Variants in TTPAL observed in about 807,000 individuals in gnomAD.
TTPAL encodes alpha-tocopherol transfer protein-like.
TTPAL carries 21 observed loss-of-function variants against 28.7 expected under a neutral mutation model. That is an observed-to-expected ratio of 0.73 (90% CI 0.52 to 1.06). TTPAL has a LOEUF of 1.06. Ranked by LOEUF, TTPAL falls within the 50% of genes least tolerant of loss-of-function variation. TTPAL has a pLI of 0.00. For missense variants in TTPAL, 345 were observed against 425.5 expected (o/e 0.81, Z 1.67); for synonymous variants, 169 against 171.9 (o/e 0.98, Z 0.13).
chr20:44,489,138 A>G, intron 4 of TTPAL, 125 bp from the exon 5 acceptor site: 1 of 1,067,504 alleles, frequency 9.4e-7, no homozygotes, highest in Non-Finnish European at 1.3e-6. Context: ...AAGTAAGGGT[A>G]GAGTTGCCAT....
intron 4 of TTPAL, 149 bp from the exon 5 acceptor site, chr20:44,489,114 T>G (rs780759607): frequency 5.9e-6 from 5 of 852,812 alleles, no homozygotes; most frequent in Non-Finnish European, 8.9e-6. Flanking sequence ...TACTCCAGGC[T>G]TTCTGGGCTG....
At chr20:44,485,556 C>G (rs1230139589) in intron 3 of TTPAL, among the ~76,000 whole-genome samples, 1 of 152,108 alleles carries the variant, frequency 6.6e-6, no homozygotes, top group Non-Finnish European at 1.5e-5. Context: ...CTCACTGATT[C>G]CACAAATGTT....
chr20:44,481,052 G>A (rs1160862382), intron 2 of TTPAL, among the ~76,000 whole-genome samples: 1 of 152,110 alleles, frequency 6.6e-6, no homozygotes. Context: ...GTGCGGACTG[G>A]GCAGACACCT....
rs747448705 is a variant in TTPAL, at chr20:44,484,326, T to C, written c.446-11T>C. ...CTTCTGTAACATACTGTCAATCTCTTATGACCTTAGACAGATGGATACCAA... is the reference window on the plus strand; with the variant it reads ...CTTCTGTAACATACTGTCAATCTCTCATGACCTTAGACAGATGGATACCAA... On this transcript the variant is annotated splice_polypyrimidine_tract_variant and intron_variant, in intron 2 of 4. Coordinates refer to ENST00000262605, the MANE Select transcript of TTPAL (RefSeq NM_001039199.3). The C allele has an allele frequency of 6.6e-7, 1 of 1,517,844 alleles. No homozygotes were observed. Among genetic ancestry groups the C allele is most frequent in the East Asian group, 2.3e-5 (1 of 43,610 alleles). 94.0% of individuals were successfully genotyped at this position (1,517,844 alleles called of 1,614,324 possible).
At chr20:44,485,742 C>T (rs2064145839) in intron 3 of TTPAL, 1 of 152,128 alleles carries the variant, frequency 6.6e-6, no homozygotes, top group South Asian at 2.1e-4. Context: ...GAGTGTGGAT[C>T]AGTGTTAGTA....
Sources: allele counts gnomAD v4.1 joint callset (sites outside exome capture counted in the v4.1 genomes callset), GRCh38; gene constraint gnomAD v4.1.1; transcripts MANE v1.5; gene names NCBI Gene and HGNC (gene_info 2026-07-23, HGNC 2026-07-21).